Variants in ARIH2 observed in about 807,000 individuals in gnomAD.
ARIH2 encodes E3 ubiquitin-protein ligase ARIH2.
ARIH2 carries 12 observed loss-of-function variants against 79.8 expected under a neutral mutation model. The ratio of observed to expected loss-of-function variants is 0.15; its 90% CI spans 0.10 to 0.24. ARIH2 has a LOEUF of 0.24. Among genes scored for constraint, ARIH2 ranks in the 10% least tolerant of loss-of-function variants. The probability of loss-of-function intolerance (pLI) is 1.00; values close to 1 mark genes in which losing one functional copy is unlikely to be tolerated. For synonymous variants in ARIH2, 224 were observed against 213.9 expected, an observed-to-expected ratio of 1.05 and a Z score of -0.41; for missense variants, 301 against 618.3, an observed-to-expected ratio of 0.49 and a Z score of 5.44.
chr3:48,926,073 A>G (rs957674828), intron 2 of ARIH2, among the ~76,000 whole-genome samples: 5 of 152,164 alleles, frequency 3.3e-5, no homozygotes, highest in African/African-American at 1.2e-4. Flanking sequence ...ATCAGTTGAA[A>G]TGGTAGTTGT....
intron 9 of ARIH2, 90 bp downstream of exon 9, chr3:48,973,906 AC>A: frequency 1.0e-6 from 1 of 1,002,446 alleles, no homozygotes; most frequent in Non-Finnish European, 1.6e-6. Context: ...AGAGCAGAAT[AC>A]CCAGAGCCCC....
chr3:48,984,214 AG>A lies in ARIH2; in HGVS notation c.*947del, dbSNP rs1217544819. On this transcript the variant is annotated 3_prime_UTR_variant, in exon 16 of 16. Transcript: ENST00000356401. The stretch of plus-strand genomic sequence containing the variant: ...GTATTCAAGTGGTATAGCTCTGAGC[AG>A]GGTCACATTTGGCCAAACCTGACAC... 1 of 152,700 alleles carries A rather than the reference AG, an allele frequency of 6.5e-6. No individual in the cohort carries two copies. Among genetic ancestry groups the A allele is most frequent in the Non-Finnish European group, 1.5e-5 (1 of 68,074 alleles). The allele number at this position is 152,700 out of a possible 1,614,324, so 9.5% of individuals were successfully genotyped here. A position where few individuals can be genotyped will look rare whatever the true frequency, so the allele number is the denominator to read the frequency against.
chr3:48,973,575 CAAAAAAAAA>C lies in ARIH2; in HGVS notation c.771-115_771-107del, dbSNP rs537764456. The C allele has an allele frequency of 3.7e-3, 1,624 of 436,614 alleles. 24 individuals are homozygous for C. Among genetic ancestry groups the C allele is most frequent in the Middle Eastern group, 0.019 (31 of 1,658 alleles). The allele number at this position is 436,614 out of a possible 1,614,324, so 27.0% of individuals were successfully genotyped here. ...CTGGCGACAGAGCAAGACTCTGTCT[CAAAAAAAAA>C]AAAAAAAAGAAAAAAGCTCTAATTC... On this transcript the variant is annotated intron_variant, in intron 8 of 15. Coordinates refer to ENST00000356401, the MANE Select transcript of ARIH2 (RefSeq NM_006321.4).
chr3:48,960,156 A>G (rs1000816032), intron 3 of ARIH2, among the ~76,000 whole-genome samples: 4 of 152,214 alleles, frequency 2.6e-5, no homozygotes, highest in African/African-American at 4.8e-5. Context: ...AGCCTGATCT[A>G]AGGCTTCCAA....
chr3:48,934,740 A>G (rs543314895), intron 3 of ARIH2: 446 of 985,460 alleles, frequency 4.5e-4, no homozygotes, highest in Non-Finnish European at 5.2e-4. Context: ...AGAATGGCCT[A>G]AATACAAATG....
At chr3:48,964,568 G>T (rs984193754) in intron 4 of ARIH2, among the ~76,000 whole-genome samples, 5 of 152,130 alleles carry the variant, frequency 3.3e-5, no homozygotes, top group African/African-American at 1.2e-4. Context: ...GCCCGCCTCG[G>T]CCTCCCAAAG....
At chr3:48,965,774 A>G (rs535932882) in intron 5 of ARIH2, among the ~76,000 whole-genome samples, 1 of 152,300 alleles carries the variant, frequency 6.6e-6, no homozygotes, top group African/African-American at 2.4e-5. Context: ...CAGCCTGGCC[A>G]ACATGGTGAA....
chr3:48,935,133 T>C (rs531614478), intron 3 of ARIH2, among the ~76,000 whole-genome samples: 1 of 152,380 alleles, frequency 6.6e-6, no homozygotes, highest in African/African-American at 2.4e-5. Context: ...ATACATAGCA[T>C]TATTGTTCAG....
chr3:48,931,882 A>G (rs1021557331), intron 3 of ARIH2, among the ~76,000 whole-genome samples: 1 of 150,510 alleles, frequency 6.6e-6, no homozygotes, highest in Non-Finnish European at 1.5e-5. Flanking sequence ...GGTGGTGGGC[A>G]CCTGTAGTCC....
At chr3:48,964,754 T>C (rs891890801) in intron 4 of ARIH2, among the ~76,000 whole-genome samples, 165 bp from the exon 5 acceptor site, 1 of 152,198 alleles carries the variant, frequency 6.6e-6, no homozygotes, top group African/African-American at 2.4e-5. Flanking sequence ...TTTTGCATTT[T>C]CTGTCTTGAG....
rs2092406123 is a variant in ARIH2, at chr3:48,974,536, C to G, written c.889-281C>G. 5.9e-6 allele frequency: 3 copies of G among 506,488 alleles called. No homozygotes were observed. In the East Asian group the frequency reaches 1.0e-4, roughly 17 times the overall value. The allele number at this position is 506,488 out of a possible 1,614,324, so 31.4% of individuals were successfully genotyped here. ...CAAGAAGGCAGGCTTTCTGCTGATT[C>G]AACTTGTGCTTAATCTGAGTAGCTT... On this transcript the variant is annotated intron_variant, in intron 9 of 15. Transcript: ENST00000356401.
At chr3:48,950,425 C>T (rs867933615) in intron 3 of ARIH2, among the ~76,000 whole-genome samples, 4 of 152,052 alleles carry the variant, frequency 2.6e-5, no homozygotes, top group African/African-American at 4.8e-5. Flanking sequence ...TCTTGATTAC[C>T]GTATGTAGCT....
intron 1 of ARIH2, 102 bp downstream of exon 1, chr3:48,919,100 T>C: frequency 7.8e-7 from 1 of 1,276,204 alleles, no homozygotes; most frequent in South Asian, 3.1e-5. Flanking sequence ...GCCTTCGCCG[T>C]CGCCCGGGAG....
chr3:48,936,602 G>A (rs905502557), intron 3 of ARIH2, among the ~76,000 whole-genome samples: 1 of 151,964 alleles, frequency 6.6e-6, no homozygotes, highest in Non-Finnish European at 1.5e-5. Context: ...GCATGGTGGT[G>A]CATGCCTGTA....
intron 3 of ARIH2, chr3:48,934,470 A>G (rs1215624212): frequency 9.1e-6 from 9 of 985,288 alleles, no homozygotes; most frequent in Non-Finnish European, 1.1e-5. Context: ...ATGGGAAAGT[A>G]TCTTCAAGCT....
At chr3:48,951,382 G>T (rs190894727) in intron 3 of ARIH2, among the ~76,000 whole-genome samples, 2 of 152,078 alleles carry the variant, frequency 1.3e-5, no homozygotes, top group African/African-American at 4.8e-5. Flanking sequence ...TTAAATTAAG[G>T]ATTTTTGTGT....
chr3:48,950,143 T>C (rs1323328601), intron 3 of ARIH2, among the ~76,000 whole-genome samples: 3 of 152,216 alleles, frequency 2.0e-5, no homozygotes, highest in Non-Finnish European at 2.9e-5. Context: ...TTGTTTGTTA[T>C]GTATAAACAA....
At chr3:48,920,492 CTT>C (rs1242750147) in intron 1 of ARIH2, among the ~76,000 whole-genome samples, 1,225 of 40,980 alleles carry the variant, frequency 0.03, 232 homozygotes, top group African/African-American at 0.11. Flanking sequence ...TGAGCAATTT[CTT>C]TTTTTTTTTT....
At chr3:48,933,440 G>A (rs2086669974) in intron 3 of ARIH2, among the ~76,000 whole-genome samples, 1 of 152,008 alleles carries the variant, frequency 6.6e-6, no homozygotes, top group Non-Finnish European at 1.5e-5. Context: ...TGGGGTTACA[G>A]GCGTGAGCCA....
Sources: gnomAD v4.1 joint callset for allele counts (sites outside exome capture counted in the v4.1 genomes callset) on GRCh38, gnomAD v4.1.1 for gene constraint, MANE v1.5 for transcripts, NCBI Gene and HGNC (gene_info 2026-07-23, HGNC 2026-07-21) for gene names.